The following RTL1 variants were observed in gnomAD, a reference collection of about 807,000 sequenced individuals.
RTL1 encodes the protein retrotransposon Gag like 1, also known as retrotransposon-like protein 1.
For missense variants in RTL1, 1,681 were observed against 1,767.5 expected, an observed-to-expected ratio of 0.95 and a Z score of 0.88; for synonymous variants, 727 against 748.4, an observed-to-expected ratio of 0.97 and a Z score of 0.47.
chr14:100,889,254 A>G (rs966446963), intron 3 of RTL1, among the ~76,000 whole-genome samples: 1 of 152,206 alleles, frequency 6.6e-6, no homozygotes, highest in Non-Finnish European at 1.5e-5. Context: ...CCATTTTAGC[A>G]AGGCACCCAC....
Position 100,899,569 on chromosome 14 carries a change from C to G in RTL1, c.-149+3722G>C, listed in dbSNP as rs144950192. On this transcript the variant is annotated intron_variant, in intron 2 of 3. Coordinates refer to ENST00000649591, the MANE Select transcript of RTL1 (RefSeq NM_001134888.3). ...CTGGCAGTGTTTGGGCTTTTGGTCC[C>G]TTTTTTTCTCTCCCAGGGGAAGGGA... Among the ~76,000 whole-genome samples, 852 of 152,174 alleles carry G rather than the reference C, an allele frequency of 5.6e-3. 11 individuals carry two copies. The highest frequency in any genetic ancestry group is 0.019 in the African/African-American group (804 of 41,518).
At position 100,881,481 on chromosome 14, in the gene RTL1, T is replaced by C; in HGVS notation, c.3308A>G (p.Gln1103Arg). ...GGGTGCCGGCCGCAGCGAGAGGCATTGCCTCACGCGCAGTAGCACGAGGAT... is the reference window on the plus strand; with the variant it reads ...GGGTGCCGGCCGCAGCGAGAGGCATCGCCTCACGCGCAGTAGCACGAGGAT... The part of the protein sequence containing the change: ...AAILVLLRVR[Q>R]CLSLRPAPAM... The change falls in exon 4 of 4, where the codon CAA (glutamine) becomes CGA (arginine). Residue 1103 changes from glutamine to arginine, a missense_variant. Physicochemically the swap from Gln to Arg is conservative, Grantham distance 43 (BLOSUM62 1). Transcript: ENST00000649591. The surrounding 1 kb of genome is among the most constrained non-coding windows in gnomAD (Gnocchi z 6.6). 3.2e-6 allele frequency: 5 copies of C among 1,551,352 alleles called. No homozygotes were observed. Among genetic ancestry groups the C allele is most frequent in the Admixed American group, 2.0e-5 (1 of 51,012 alleles).
At chr14:100,896,507 G>A (rs1050267097) in intron 2 of RTL1, among the ~76,000 whole-genome samples, 1 of 152,034 alleles carries the variant, frequency 6.6e-6, no homozygotes, top group African/African-American at 2.4e-5. Flanking sequence ...TCACATCCTT[G>A]TCACACAAGT....
Position 100,881,920 on chromosome 14 carries a change from G to A in RTL1, c.2869C>T (p.Leu957=), listed in dbSNP as rs1386728027. Residue 957 remains leucine, a synonymous_variant, in exon 4 of 4, where the codon CTG becomes TTG. Transcript: ENST00000649591. This position sits in a 1 kb window ranked among gnomAD's most constrained non-coding sequence, Gnocchi z 6.6. ...AGTACGGTGAGCCTGTCATTATTCA[G>A]AGAGGCTAGATCCTCTGTGTTGAGA... is the stretch of plus-strand genomic sequence containing the variant. The part of the protein sequence containing the change: ...ILLNTEDLAS[L]NNDRLTVLLP... 3.1e-6 allele frequency: 5 copies of A among 1,613,562 alleles called. No homozygotes were observed. Among genetic ancestry groups the A allele is most frequent in the Non-Finnish European group, 4.2e-6 (5 of 1,180,064 alleles).
intron 2 of RTL1, among the ~76,000 whole-genome samples, chr14:100,896,667 AG>A (rs2038860741): frequency 6.6e-6 from 1 of 151,978 alleles, no homozygotes; most frequent in Non-Finnish European, 1.5e-5. Context: ...GGGTGGGCAA[AG>A]GTTGCTTCCC....
rs1367379830 is a variant in RTL1, at chr14:100,884,328, T to G, written c.461A>C (p.Asn154Thr). Residue 154 changes from asparagine to threonine, a missense_variant, in exon 4 of 4, where the codon AAC (asparagine) becomes ACC (threonine). Coordinates refer to ENST00000649591, the MANE Select transcript of RTL1 (RefSeq NM_001134888.3). Reference sequence around the variant, plus strand: ...TTCTGCGGTTGAGTGCTCGGTCTGGTTTTGCTCTTGAGGAGTCTCCTCCCT... The same window carrying G: ...TTCTGCGGTTGAGTGCTCGGTCTGGGTTTGCTCTTGAGGAGTCTCCTCCCT... ...SGREETPQEQ[N>T]QTEHSTAELM... 12 of 1,543,210 alleles carry G rather than the reference T, an allele frequency of 7.8e-6. No individual in the cohort carries two copies. Among genetic ancestry groups the G allele is most frequent in the African/African-American group, 1.4e-5 (1 of 72,280 alleles).
chr14:100,894,730 T>C (rs865774458), intron 2 of RTL1: 2 of 152,266 alleles, frequency 1.3e-5, no homozygotes, highest in African/African-American at 2.4e-5. Context: ...TGCTTTCTCC[T>C]GGGAAGGGAG....
At chr14:100,886,784 A>T (rs67408834) in intron 3 of RTL1, among the ~76,000 whole-genome samples, 19,566 of 152,196 alleles carry the variant, frequency 0.13, 1,501 homozygotes, top group East Asian at 0.28. Flanking sequence ...ATCTATCAGG[A>T]ATAAAAATCT....
chr14:100,882,248 G>A lies in RTL1; in HGVS notation c.2541C>T (p.Val847=), dbSNP rs1033103141. 1.3e-6 allele frequency: 2 copies of A among 1,551,288 alleles called. No individual in the cohort carries two copies. Among genetic ancestry groups the A allele is most frequent in the East Asian group, 2.4e-5 (1 of 40,926 alleles). The stretch of plus-strand genomic sequence containing the variant: ...GGCACTCGAAGGCCTCTTGCTCCTC[G>A]ACTCCCCAGTAGAACTGGTAGGAGC... ...LLSSYQFYWG[V]EEQEAFECLK... is the part of the protein sequence containing the mutation. The change falls in exon 4 of 4, where the codon GTC becomes GTT. Residue 847 remains valine (V), a synonymous_variant. Coordinates refer to ENST00000649591, the MANE Select transcript of RTL1 (RefSeq NM_001134888.3).
chr14:100,881,437 G>C lies in RTL1; in HGVS notation c.3352C>G (p.Pro1118Ala), dbSNP rs371727033. Residue 1118 changes from proline (P) to alanine (A), a missense_variant, in exon 4 of 4, where the codon CCC becomes GCC. Coordinates refer to ENST00000649591, the MANE Select transcript of RTL1 (RefSeq NM_001134888.3). The surrounding 1 kb of genome is among the most constrained non-coding windows in gnomAD (Gnocchi z 6.6). ...RPAPAMRVAR[P>A]QPQRSLRLIL... Reference sequence around the variant, plus strand: ...AGTCGTAGGGAGCGCTGGGGCTGGGGCCGAGCCACCCGCATGGCGGGTGCC... The same window carrying C: ...AGTCGTAGGGAGCGCTGGGGCTGGGCCCGAGCCACCCGCATGGCGGGTGCC... The C allele has an allele frequency of 6.4e-7, 1 of 1,550,798 alleles. No individual in the cohort carries two copies. Among genetic ancestry groups the C allele is most frequent in the African/African-American group, 1.4e-5 (1 of 73,174 alleles).
chr14:100,887,988 C>T (rs2038716801), intron 3 of RTL1, among the ~76,000 whole-genome samples: 1 of 152,168 alleles, frequency 6.6e-6, no homozygotes, highest in Admixed American at 6.5e-5. Flanking sequence ...TGGTCTGATG[C>T]TTATTCATTA....
Position 100,883,815 on chromosome 14 carries a change from T to C in RTL1, c.974A>G (p.His325Arg), listed in dbSNP as rs377305586. ...LGWPDEVLQA[H>R]LCQGLNEEIR... ...CTCCTCGTTGAGCCCCTGGCACAAG[T>C]GGGCCTGCAGGACTTCATCTGGCCA... The change falls in exon 4 of 4, where the codon CAC becomes CGC. Residue 325 changes from histidine to arginine, a missense_variant. Coordinates refer to ENST00000649591, the MANE Select transcript of RTL1 (RefSeq NM_001134888.3). This position sits in a 1 kb window ranked among gnomAD's most constrained non-coding sequence, Gnocchi z 5.9. 163 of 1,551,646 alleles carry C rather than the reference T, an allele frequency of 1.1e-4. No homozygotes were observed. The highest frequency in any genetic ancestry group is 1.3e-4 in the Non-Finnish European group (148 of 1,146,982).
chr14:100,883,182 C>A lies in RTL1; in HGVS notation c.1607G>T (p.Arg536Leu). The A allele has an allele frequency of 6.4e-7, 1 of 1,572,692 alleles. No individual in the cohort carries two copies. The highest frequency in any genetic ancestry group is 8.6e-7 in the Non-Finnish European group (1 of 1,156,322). ...HSPYCLKNCF[R>L]PPPPCIALER... ...TAGGGCAATGCATGGCGGGGGCGGG[C>A]GGAAGCAGTTCTTCAGGCAGTAGGG... The change falls in exon 4 of 4, where the codon CGC becomes CTC. Residue 536 changes from arginine (R) to leucine (L), a missense_variant. Coordinates refer to ENST00000649591, the MANE Select transcript of RTL1 (RefSeq NM_001134888.3). The surrounding 1 kb of genome is among the most constrained non-coding windows in gnomAD (Gnocchi z 5.9).
chr14:100,884,661 C>G lies in RTL1; in HGVS notation c.128G>C (p.Gly43Ala). The G allele has an allele frequency of 1.2e-6, 2 of 1,613,762 alleles. No homozygotes were observed. The highest frequency in any genetic ancestry group is 1.7e-6 in the Non-Finnish European group (2 of 1,179,976). ...TGGGCCGCTGGCTGGCCCTGCCTCT[C>G]CCCGCACTCCACTGCCCGACGTCGC... Reference protein sequence around the residue: ...TEATSGSGVRGEAGPASGPAQ... With the variant: ...TEATSGSGVRAEAGPASGPAQ... The change falls in exon 4 of 4, where the codon GGA becomes GCA. Residue 43 changes from glycine to alanine, a missense_variant. Transcript: ENST00000649591.
chr14:100,901,703 C>G (rs188826698), intron 2 of RTL1, among the ~76,000 whole-genome samples: 1 of 152,206 alleles, frequency 6.6e-6, no homozygotes, highest in Non-Finnish European at 1.5e-5. Context: ...TCTGTGGGCT[C>G]AGGAGCCAGG....
In RTL1 at chr14:100,881,708, C is replaced by T. The variant is rs761213095; in HGVS notation, c.3081G>A (p.Ser1027=). Reference sequence around the variant, plus strand: ...CATTCTCTTCTTCCCCGGATTCCGTCGATGGATCCCTGGGGAATCCCCTTG... The same window carrying T: ...CATTCTCTTCTTCCCCGGATTCCGTTGATGGATCCCTGGGGAATCCCCTTG... The part of the protein sequence containing the change: ...LASRGFPRDP[S]TESGEEENEE... The change falls in exon 4 of 4, where the codon TCG becomes TCA. Residue 1027 remains serine, a synonymous_variant. Transcript: ENST00000649591. The surrounding 1 kb of genome is among the most constrained non-coding windows in gnomAD (Gnocchi z 6.6). 2 of 1,583,696 alleles carry T rather than the reference C, an allele frequency of 1.3e-6. No homozygotes were observed. Among genetic ancestry groups the T allele is most frequent in the South Asian group, 2.3e-5 (2 of 88,224 alleles).
intron 2 of RTL1, chr14:100,897,748 T>TGGTGGG (rs1566760796): frequency 1.3e-5 from 1 of 79,342 alleles, no homozygotes; most frequent in Non-Finnish European, 2.3e-5. Context: ...TTACCCTGGT[T>TGGTGGG]GGCGGGGGGG....
At chr14:100,889,741 G>C (rs2038743149) in intron 3 of RTL1, 1 of 152,176 alleles carries the variant, frequency 6.6e-6, no homozygotes, top group South Asian at 2.1e-4. Flanking sequence ...TCCTGGAGAC[G>C]AATACCCCAC....
chr14:100,896,355 C>T (rs774619301), intron 2 of RTL1, among the ~76,000 whole-genome samples: 5 of 152,072 alleles, frequency 3.3e-5, no homozygotes, highest in Non-Finnish European at 5.9e-5. Context: ...AGACATTTAA[C>T]CAATTAACCA....
Sources: gnomAD v4.1 joint callset for allele counts (sites outside exome capture counted in the v4.1 genomes callset) on GRCh38, gnomAD v4.1.1 for gene constraint, Gnocchi (gnomAD v3.1) non-coding constraint, MANE v1.5 for transcripts, NCBI Gene and HGNC (gene_info 2026-07-23, HGNC 2026-07-21) for gene names.